TRPC1: variants seen among roughly 807,000 people sequenced by gnomAD.
TRPC1 encodes short transient receptor potential channel 1.
TRPC1 carries 42 observed loss-of-function variants against 88.2 expected under a neutral mutation model. That is an observed-to-expected ratio of 0.48 (90% CI 0.37 to 0.62). TRPC1 has a LOEUF of 0.62. Among genes scored for constraint, TRPC1 ranks in the 20% least tolerant of loss-of-function variants. The pLI is 0.00. For synonymous variants in TRPC1, 288 were observed against 331.8 expected (o/e 0.87, Z 1.43); for missense variants, 699 against 957.3 (o/e 0.73, Z 3.56).
At chr3:142,766,152 C>G (rs1935379873) in intron 4 of TRPC1, among the ~76,000 whole-genome samples, 1 of 152,020 alleles carries the variant, frequency 6.6e-6, no homozygotes, top group Non-Finnish European at 1.5e-5. Flanking sequence ...GTTTTAAAAT[C>G]AATTACTATG....
intron 4 of TRPC1, among the ~76,000 whole-genome samples, chr3:142,773,221 C>CT (rs944906956): frequency 2.6e-5 from 4 of 151,184 alleles, no homozygotes; most frequent in South Asian, 2.1e-4. Flanking sequence ...CCATTATAGT[C>CT]TTTTTTTTTG....
intron 4 of TRPC1, among the ~76,000 whole-genome samples, chr3:142,750,906 C>T (rs1934742043): frequency 6.6e-6 from 1 of 151,952 alleles, no homozygotes; most frequent in Non-Finnish European, 1.5e-5. Flanking sequence ...ATGTAACAAA[C>T]CTGCCATTCT....
Position 142,784,805 on chromosome 3 carries a change from T to G in TRPC1, c.1062T>G (p.Val354=). Residue 354 remains valine (V), a synonymous_variant, in exon 7 of 13, where the codon GTT becomes GTG. Coordinates refer to ENST00000476941, the MANE Select transcript of TRPC1 (RefSeq NM_001251845.2). ...RKPTCKKIMT[V]LTVGIFWPVL... ...CCACCTGTAAGAAGATAATGACTGT[T>G]TTGACAGTAGGCATCTTTTGGCCAG... The G allele has an allele frequency of 1.2e-6, 2 of 1,614,180 alleles. No individual in the cohort carries two copies. The highest frequency in any genetic ancestry group is 1.7e-6 in the Non-Finnish European group (2 of 1,180,014).
At position 142,724,854 on chromosome 3, in the gene TRPC1, G is replaced by T. The variant is rs955918462; in HGVS notation, c.172+123G>T. On this transcript the variant is annotated intron_variant, in intron 1 of 12. Coordinates refer to ENST00000476941, the MANE Select transcript of TRPC1 (RefSeq NM_001251845.2). This position sits in a 1 kb window ranked among gnomAD's most constrained non-coding sequence, Gnocchi z 5.6. ...CAGGCGCCGAGTGTCTTCCCGCCTC[G>T]CCTGCTGCCTCAGGCGGTCTTCTCC... The T allele has an allele frequency of 8.5e-7, 1 of 1,176,658 alleles. No individual in the cohort carries two copies. The highest frequency in any genetic ancestry group is 1.1e-6 in the Non-Finnish European group (1 of 884,414). 72.9% of individuals were successfully genotyped at this position (1,176,658 alleles called of 1,614,324 possible).
In TRPC1 at chr3:142,777,790, G is replaced by A. The variant is rs765581955; in HGVS notation, c.764+27G>A. On this transcript the variant is annotated intron_variant, in intron 5 of 12. Transcript: ENST00000476941. ...TGGGAATGAATGCAAATTATATAATGTATTTTGTTTTAAATCTTCAACCTC... is the reference window on the plus strand; with the variant it reads ...TGGGAATGAATGCAAATTATATAATATATTTTGTTTTAAATCTTCAACCTC... The A allele has an allele frequency of 2.5e-6, 4 of 1,589,558 alleles. No homozygotes were observed. In the African/African-American group the frequency reaches 4.1e-5, roughly 16 times the overall value.
intron 4 of TRPC1, among the ~76,000 whole-genome samples, chr3:142,756,274 G>A (rs2108062883): frequency 6.6e-6 from 1 of 151,970 alleles, no homozygotes; most frequent in African/African-American, 2.4e-5. Flanking sequence ...GAATTTCTGG[G>A]TGTGTTAACT....
intron 3 of TRPC1, among the ~76,000 whole-genome samples, chr3:142,744,325 A>G (rs1934461804): frequency 1.3e-5 from 2 of 152,046 alleles, no homozygotes. Flanking sequence ...GGTATTTTGG[A>G]AAGTGTTTTG....
At chr3:142,796,056 C>T (rs1936439651) in intron 9 of TRPC1, among the ~76,000 whole-genome samples, 1 of 152,058 alleles carries the variant, frequency 6.6e-6, no homozygotes, top group South Asian at 2.1e-4. Flanking sequence ...TCTTTATTCA[C>T]ATTTATTACC....
At chr3:142,782,901 A>G (rs1276290357) in intron 6 of TRPC1, among the ~76,000 whole-genome samples, 1 of 152,138 alleles carries the variant, frequency 6.6e-6, no homozygotes. Flanking sequence ...GGCTTTTTAC[A>G]TGGTAGTTCA....
At position 142,724,141 on chromosome 3, in the gene TRPC1, A is replaced by G. The variant is rs1933538795; in HGVS notation, c.-419A>G. 1 of 152,358 alleles carries G rather than the reference A, an allele frequency of 6.6e-6. No homozygotes were observed. The highest frequency in any genetic ancestry group is 2.4e-5 in the African/African-American group (1 of 41,476). The allele number at this position is 152,358 out of a possible 1,614,324, so 9.4% of individuals were successfully genotyped here. A position where few individuals can be genotyped will look rare whatever the true frequency, so the allele number is the denominator to read the frequency against. On this transcript the variant is annotated 5_prime_UTR_variant, in exon 1 of 13. Coordinates refer to ENST00000476941, the MANE Select transcript of TRPC1 (RefSeq NM_001251845.2). The surrounding 1 kb of genome is among the most constrained non-coding windows in gnomAD (Gnocchi z 5.6). ...AGCCCTGGAGCCCAACGTGCGCAGA[A>G]GCGCCTCTTGGAGCTCCTCTCCCAC...
intron 9 of TRPC1, chr3:142,801,120 C>G (rs1273998310): frequency 6.6e-6 from 1 of 151,536 alleles, no homozygotes; most frequent in African/African-American, 2.4e-5. Flanking sequence ...TGTTTTATAC[C>G]CTGCTTTTTG....
intron 1 of TRPC1, among the ~76,000 whole-genome samples, chr3:142,727,790 T>G (rs746055714): frequency 2.6e-5 from 4 of 152,190 alleles, no homozygotes; most frequent in Admixed American, 6.5e-5. Context: ...ATAAATATGT[T>G]GTTTTATGAA....
chr3:142,791,697 TTTCCATTCCA>T (rs1251710287), intron 8 of TRPC1, among the ~76,000 whole-genome samples: 1 of 152,040 alleles, frequency 6.6e-6, no homozygotes, highest in Non-Finnish European at 1.5e-5. Context: ...AGAAAAAGAG[TTTCCATTCCA>T]TTCCATTTCA....
chr3:142,765,932 C>A (rs114004365), intron 4 of TRPC1, among the ~76,000 whole-genome samples: 4,100 of 151,386 alleles, frequency 0.027, 82 homozygotes, highest in East Asian at 0.066. Context: ...ATGTGGCCAA[C>A]AAGCATATGA....
At chr3:142,777,891 ACT>A in intron 5 of TRPC1, 128 bp downstream of exon 5, 1 of 994,312 alleles carries the variant, frequency 1.0e-6, no homozygotes, top group East Asian at 2.9e-5. Flanking sequence ...GTTGCCACTT[ACT>A]TGGCAACAGA....
At chr3:142,769,800 GGT>G (rs1394976982) in intron 4 of TRPC1, among the ~76,000 whole-genome samples, 9 of 151,908 alleles carry the variant, frequency 5.9e-5, no homozygotes, top group Non-Finnish European at 2.9e-5. Flanking sequence ...CATAGCATAT[GGT>G]CTAATCTGGA....
At chr3:142,764,117 T>C (rs1380901393) in intron 4 of TRPC1, among the ~76,000 whole-genome samples, 1 of 150,718 alleles carries the variant, frequency 6.6e-6, no homozygotes, top group African/African-American at 2.4e-5. Flanking sequence ...TCTCCCAACA[T>C]TTTCACTTTT....
intron 3 of TRPC1, among the ~76,000 whole-genome samples, chr3:142,744,787 G>T (rs952844761): frequency 8.5e-5 from 13 of 152,126 alleles, no homozygotes; most frequent in African/African-American, 2.7e-4. Flanking sequence ...TAATTAGGAG[G>T]ATAGTCACTA....
chr3:142,776,662 T>C lies in TRPC1; in HGVS notation c.633-970T>C, dbSNP rs1321831028. 6.6e-6 allele frequency among the ~76,000 whole-genome samples: 1 copy of C among 152,172 alleles called. No individual in the cohort carries two copies. Among genetic ancestry groups the C allele is most frequent in the Non-Finnish European group, 1.5e-5 (1 of 68,026 alleles). ...GCTCACGCCTGTAATCCCAGCACTT[T>C]GGGAGGCCGAGGTGGCTGGATCACA... On this transcript the variant is annotated intron_variant, in intron 4 of 12. Transcript: ENST00000476941. The surrounding 1 kb of genome is among the most constrained non-coding windows in gnomAD (Gnocchi z 4.1).
Sources: gnomAD v4.1 joint callset for allele counts (sites outside exome capture counted in the v4.1 genomes callset) on GRCh38, gnomAD v4.1.1 for gene constraint, Gnocchi (gnomAD v3.1) non-coding constraint, MANE v1.5 for transcripts, NCBI Gene and HGNC (gene_info 2026-07-23, HGNC 2026-07-21) for gene names.